Variants in ZCCHC4 observed in about 807,000 individuals in gnomAD.
The protein encoded by ZCCHC4 is rRNA N(6)-adenosine-methyltransferase ZCCHC4.
ZCCHC4 carries 54 observed loss-of-function variants against 67.7 expected under a neutral mutation model. The ratio of observed to expected loss-of-function variants is 0.80; its 90% CI spans 0.64 to 1.00. The LOEUF (loss-of-function observed/expected upper bound fraction) is 1.00. Ranked by LOEUF, ZCCHC4 falls within the 50% of genes least tolerant of loss-of-function variation. ZCCHC4 has a pLI of 0.00. For synonymous variants in ZCCHC4, 198 were observed against 213.5 expected (o/e 0.93, Z 0.63); for missense variants, 609 against 617.0 (o/e 0.99, Z 0.14).
intron 3 of ZCCHC4, among the ~76,000 whole-genome samples, chr4:25,330,164 T>C (rs1235122386): frequency 6.6e-6 from 1 of 152,044 alleles, no homozygotes; most frequent in Non-Finnish European, 1.5e-5. Flanking sequence ...CTAATTTTTG[T>C]ATTTTTAGTA....
rs1396244071 is a variant in ZCCHC4 at position 25,333,892 on chromosome 4, T to TC, written c.606-15dup. The TC allele has an allele frequency of 6.4e-7, 1 of 1,557,394 alleles. No homozygotes were observed. Among genetic ancestry groups the TC allele is most frequent in the South Asian group, 1.2e-5 (1 of 81,740 alleles). ...TTGTAATATCTTATTACATTTGCTT[T>TC]CACTAATTGCTTTAGGTTGCATGAG... On this transcript the variant is annotated splice_polypyrimidine_tract_variant and intron_variant, in intron 4 of 12. Transcript: ENST00000302874.
intron 12 of ZCCHC4, among the ~76,000 whole-genome samples, chr4:25,366,576 C>G (rs991000009): frequency 6.6e-6 from 1 of 152,028 alleles, no homozygotes; most frequent in African/African-American, 2.4e-5. Flanking sequence ...TTGGCCTCCC[C>G]AAGTGCTGGG....
At chr4:25,327,284 A>G (rs555620693) in intron 3 of ZCCHC4, among the ~76,000 whole-genome samples, 75 of 152,280 alleles carry the variant, frequency 4.9e-4, no homozygotes, top group African/African-American at 1.8e-3. Flanking sequence ...AAATGCATTC[A>G]GTCTTTCAGC....
chr4:25,315,507 G>A (rs1284502623), intron 3 of ZCCHC4, 107 bp downstream of exon 3: 2 of 781,410 alleles, frequency 2.6e-6, no homozygotes, highest in African/African-American at 3.6e-5. Context: ...TTTTATTGTA[G>A]TTACATATAT....
At chr4:25,345,446 A>G in intron 5 of ZCCHC4, 102 bp from the exon 6 acceptor site, 2 of 749,876 alleles carry the variant, frequency 2.7e-6, no homozygotes, top group Non-Finnish European at 4.4e-6. Context: ...AAACTAAAAA[A>G]TGAAATTTTT....
chr4:25,365,526 A>C, intron 12 of ZCCHC4: 1 of 999,110 alleles, frequency 1.0e-6, no homozygotes, highest in Non-Finnish European at 1.2e-6. Context: ...GATCAGATAT[A>C]GACACATGAT....
At chr4:25,315,482 CTTTCA>C (rs1718210116) in intron 3 of ZCCHC4, 82 bp downstream of exon 3, 1 of 1,044,016 alleles carries the variant, frequency 9.6e-7, no homozygotes, top group South Asian at 2.0e-5. Flanking sequence ...TTTAAGTTTA[CTTTCA>C]TTTATTTATT....
At chr4:25,320,376 A>AT (rs1177933183) in intron 3 of ZCCHC4, among the ~76,000 whole-genome samples, 1 of 152,090 alleles carries the variant, frequency 6.6e-6, no homozygotes, top group Non-Finnish European at 1.5e-5. Context: ...TTTTTTTCAG[A>AT]TCTCATTTAA....
Position 25,314,034 on chromosome 4 carries a change from T to TA in ZCCHC4, c.128-12_128-11insA. 1 of 1,404,568 alleles carries TA rather than the reference T, an allele frequency of 7.1e-7. No homozygotes were observed. The highest frequency in any genetic ancestry group is 9.8e-7 in the Non-Finnish European group (1 of 1,021,188). 87.0% of individuals were successfully genotyped at this position (1,404,568 alleles called of 1,614,324 possible). A position where few individuals can be genotyped will look rare whatever the true frequency, so the allele number is the denominator to read the frequency against. ...TTGACACTTTTTTTTTTTTTTTCTA[T>TA]TCTGGAACTAGGACCCACTCTTCTG... On this transcript the variant is annotated splice_polypyrimidine_tract_variant and intron_variant, in intron 1 of 12. Coordinates refer to ENST00000302874, the MANE Select transcript of ZCCHC4 (RefSeq NM_024936.3).
chr4:25,325,241 CAAAAAAA>C (rs11318046), intron 3 of ZCCHC4, among the ~76,000 whole-genome samples: 4 of 74,752 alleles, frequency 5.4e-5, no homozygotes, highest in African/African-American at 1.7e-4. Flanking sequence ...GACTCCGTCT[CAAAAAAA>C]AAAAAAAAAA....
intron 10 of ZCCHC4, among the ~76,000 whole-genome samples, chr4:25,363,319 G>T (rs907895246): frequency 4.6e-5 from 7 of 152,092 alleles, no homozygotes; most frequent in Admixed American, 6.5e-5. Flanking sequence ...GGCATTAAAG[G>T]TTCCTTCATG....
At chr4:25,330,481 C>T (rs1034644361) in intron 3 of ZCCHC4, among the ~76,000 whole-genome samples, 4 of 152,186 alleles carry the variant, frequency 2.6e-5, no homozygotes, top group Admixed American at 1.3e-4. Context: ...CAGGATTTAG[C>T]AAACTACTAC....
intron 1 of ZCCHC4, among the ~76,000 whole-genome samples, chr4:25,313,268 A>G (rs996693366): frequency 6.6e-5 from 10 of 152,206 alleles, no homozygotes; most frequent in Admixed American, 4.6e-4. Context: ...CTCTCCCTTC[A>G]AAAATAAAAA....
chr4:25,356,523 G>A (rs953114940), intron 8 of ZCCHC4, among the ~76,000 whole-genome samples: 1 of 151,702 alleles, frequency 6.6e-6, no homozygotes. Flanking sequence ...ACATACATTC[G>A]CTGACTCCTT....
At chr4:25,366,266 G>A (rs1481221291) in intron 12 of ZCCHC4, 5 of 864,322 alleles carry the variant, frequency 5.8e-6, no homozygotes. Flanking sequence ...AGTAATCCAG[G>A]ATAAAGTAGA....
At chr4:25,356,397 G>A (rs1476628501) in intron 8 of ZCCHC4, among the ~76,000 whole-genome samples, 1 of 152,140 alleles carries the variant, frequency 6.6e-6, no homozygotes, top group Non-Finnish European at 1.5e-5. Context: ...TACTCTAGCA[G>A]CATGCATTTT....
At chr4:25,363,526 G>T (rs1720832471) in intron 10 of ZCCHC4, among the ~76,000 whole-genome samples, 1 of 152,140 alleles carries the variant, frequency 6.6e-6, no homozygotes, top group Non-Finnish European at 1.5e-5. Context: ...GTCAGAAAGG[G>T]CCTGTGAAGT....
At chr4:25,363,668 C>G (rs1481207867) in intron 10 of ZCCHC4, among the ~76,000 whole-genome samples, 2 of 152,128 alleles carry the variant, frequency 1.3e-5, no homozygotes, top group African/African-American at 4.8e-5. Context: ...GTTAATACAT[C>G]TGATCGTTTA....
chr4:25,312,869 G>A lies in ZCCHC4; in HGVS notation c.60G>A (p.Arg20=), dbSNP rs1235030090. 1.2e-6 allele frequency: 2 copies of A among 1,613,042 alleles called. No individual in the cohort carries two copies. The highest frequency in any genetic ancestry group is 1.7e-6 in the Non-Finnish European group (2 of 1,180,030). Residue 20 remains arginine, a synonymous_variant, in exon 1 of 13, where the codon CGG becomes CGA. Transcript: ENST00000302874. The part of the protein sequence containing the change: ...AVEAEGSAGC[R]GSSGMEVVLP... ...AGGCAGAGGGCAGCGCAGGGTGCCGGGGAAGCTCGGGAATGGAGGTGGTGC... is the reference window on the plus strand; with the variant it reads ...AGGCAGAGGGCAGCGCAGGGTGCCGAGGAAGCTCGGGAATGGAGGTGGTGC...
Sources: gnomAD v4.1 joint callset for allele counts (sites outside exome capture counted in the v4.1 genomes callset) on GRCh38, gnomAD v4.1.1 for gene constraint, MANE v1.5 for transcripts, NCBI Gene and HGNC (gene_info 2026-07-23, HGNC 2026-07-21) for gene names.